The following AATK variants were observed in gnomAD, a reference collection of about 807,000 sequenced individuals.
AATK encodes lemur tail kinase 1, also known as serine/threonine-protein kinase LMTK1.
AATK carries 91 observed loss-of-function variants against 114.3 expected under a neutral mutation model. That is an observed-to-expected ratio of 0.80 (90% CI 0.67 to 0.95). The LOEUF is 0.95. AATK is among the 40% of genes least tolerant of loss of function. AATK has a pLI of 0.00. For synonymous variants in AATK, 1,075 were observed against 916.5 expected (o/e 1.17, Z -3.12); for missense variants, 2,176 against 1,965.2 (o/e 1.11, Z -2.03).
chr17:81,143,443 G>A (rs1345610309), intron 1 of AATK, among the ~76,000 whole-genome samples: 1 of 151,396 alleles, frequency 6.6e-6, no homozygotes, highest in Non-Finnish European at 1.5e-5. Flanking sequence ...ATCCAGCTCT[G>A]CCTGGGGCCA....
Position 81,122,338 on chromosome 17 carries a change from C to G in AATK, c.1598G>C (p.Arg533Pro). The G allele has an allele frequency of 6.6e-7, 1 of 1,512,344 alleles. No individual in the cohort carries two copies. The highest frequency in any genetic ancestry group is 8.8e-7 in the Non-Finnish European group (1 of 1,134,916). The allele number at this position is 1,512,344 out of a possible 1,614,324, so 93.7% of individuals were successfully genotyped here. A position where few individuals can be genotyped will look rare whatever the true frequency, so the allele number is the denominator to read the frequency against. Residue 533 changes from arginine to proline, a missense_variant, in exon 11 of 14, where the codon CGC (arginine) becomes CCC (proline). Transcript: ENST00000326724. ...SPSLGSEYFI[R>P]LEEAAPAAGH... ...GGCGGCGGGTGCGGCCTCCTCTAGG[C>G]GGATGAAGTACTCGCTGCCCAGCGA...
At position 81,126,557 on chromosome 17, in the gene AATK, C is replaced by T; in HGVS notation, c.625G>A (p.Asp209Asn). Residue 209 changes from aspartate to asparagine, a missense_variant, in exon 7 of 14, where the codon GAC becomes AAC. Physicochemically the swap from Asp to Asn is conservative, Grantham distance 23. Coordinates refer to ENST00000326724, the MANE Select transcript of AATK (RefSeq NM_001080395.3). This position sits in a 1 kb window ranked among gnomAD's most constrained non-coding sequence, Gnocchi z 5.1. ...CAGCTCCGCAGGTAGCCCTTGAGGT[C>T]CCCCTGCAGAAAGGGGGTGTGGCGC... ...LLVMEFCPLG[D>N]LKGYLRSCRV... is the part of the protein sequence containing the mutation. 6.5e-7 allele frequency: 1 copy of T among 1,539,748 alleles called. No individual in the cohort carries two copies. The highest frequency in any genetic ancestry group is 1.2e-5 in the South Asian group (1 of 83,754).
chr17:81,132,608 C>T (rs1042138200), intron 2 of AATK: 6 of 258,604 alleles, frequency 2.3e-5, no homozygotes, highest in Admixed American at 4.7e-5. Flanking sequence ...GGGCCCAGGA[C>T]ACAGATGCTG....
At chr17:81,133,214 G>T (rs772703829) in intron 2 of AATK, 1 of 492,610 alleles carries the variant, frequency 2.0e-6, no homozygotes, top group East Asian at 5.8e-5. Context: ...CCACTTCAGA[G>T]GGCTCTGGAA....
chr17:81,158,394 G>A (rs1314853138), intron 1 of AATK, among the ~76,000 whole-genome samples: 1 of 152,228 alleles, frequency 6.6e-6, no homozygotes, highest in African/African-American at 2.4e-5. Flanking sequence ...GCGGTGTGCT[G>A]GTCAGTGTCT....
rs753624466 is a variant in AATK at position 81,120,847 on chromosome 17, G to C, written c.3089C>G (p.Thr1030Ser). Reference sequence around the variant, plus strand: ...ACAGACCTGCTCAGACGGCTGCCCAGTGCTCGGCAGGCCCAGCTCTGGCCC... The same window carrying C: ...ACAGACCTGCTCAGACGGCTGCCCACTGCTCGGCAGGCCCAGCTCTGGCCC... ...APGPELGLPS[T>S]GQPSEQVCLR... is the part of the protein sequence containing the mutation. Residue 1030 changes from threonine (T) to serine (S), a missense_variant, in exon 11 of 14, where the codon ACT becomes AGT. Transcript: ENST00000326724. The C allele has an allele frequency of 2.5e-6, 4 of 1,579,690 alleles. No homozygotes were observed. The East Asian group carries it at 7.0e-5, about 28-fold the overall frequency.
rs777787798 is a variant in AATK, at chr17:81,127,943, C to T, written c.415-33G>A. 2.6e-6 allele frequency: 4 copies of T among 1,546,248 alleles called. No homozygotes were observed. The Admixed American group carries it at 7.9e-5, about 30-fold the overall frequency. On this transcript the variant is annotated intron_variant, in intron 4 of 13. Coordinates refer to ENST00000326724, the MANE Select transcript of AATK (RefSeq NM_001080395.3). ...ACAGACAGCATCACCCACGGCTGCT[C>T]CGCCTCCACCGGCCCCGGCTTCCAG...
In AATK at chr17:81,120,058, TC is replaced by T; in HGVS notation, c.3760del (p.Glu1254SerfsTer53). 1.4e-6 allele frequency: 2 copies of T among 1,456,738 alleles called. No individual in the cohort carries two copies. The highest frequency in any genetic ancestry group is 9.1e-7 in the Non-Finnish European group (1 of 1,102,036). 90.2% of individuals were successfully genotyped at this position (1,456,738 alleles called of 1,614,324 possible). The stretch of plus-strand genomic sequence containing the variant: ...CGATTCCTTGGCGCCCGGGAAGGGC[TC>T]CCCGAGCTCCCGGGTGGGGCTTTCC... ...DQESPTRELG[E>X]PFPGAKESPP... On this transcript the variant is annotated frameshift_variant, in exon 12 of 14. Coordinates refer to ENST00000326724, the MANE Select transcript of AATK (RefSeq NM_001080395.3). LOFTEE classifies it high-confidence loss of function.
intron 1 of AATK, among the ~76,000 whole-genome samples, chr17:81,134,795 GTCAGGGTC>G (rs776830286): frequency 2.0e-5 from 3 of 152,220 alleles, no homozygotes; most frequent in Non-Finnish European, 4.4e-5. Flanking sequence ...CCCCTGAGAG[GTCAGGGTC>G]TCAGGGGCTA....
chr17:81,118,139 C>G lies in AATK; in HGVS notation c.*263G>C. 1 of 532,786 alleles carries G rather than the reference C, an allele frequency of 1.9e-6. No individual in the cohort carries two copies. The allele number at this position is 532,786 out of a possible 1,614,324, so 33.0% of individuals were successfully genotyped here. ...GTGTGTATGTGTGTACAGACACCCA[C>G]TGTGGCTCCAGGCGCCCCCAGGGGC... On this transcript the variant is annotated 3_prime_UTR_variant, in exon 14 of 14. Coordinates refer to ENST00000326724, the MANE Select transcript of AATK (RefSeq NM_001080395.3).
rs757851302 is a variant in AATK at position 81,120,245 on chromosome 17, CCTT to C, written c.3688_3690del (p.Lys1230del). ...GTGACGTCGTCGAAGAAGGACACGG[CCTT>C]CTTCTTGCGTTCCAGGTCCTCGCAG... On this transcript the variant is annotated inframe_deletion, in exon 11 of 14. Transcript: ENST00000326724. The C allele has an allele frequency of 1.2e-5, 19 of 1,595,588 alleles. No homozygotes were observed. Among genetic ancestry groups the C allele is most frequent in the Admixed American group, 1.7e-5 (1 of 59,440 alleles).
intron 1 of AATK, among the ~76,000 whole-genome samples, chr17:81,152,023 C>A (rs1473256641): frequency 6.6e-6 from 1 of 152,222 alleles, no homozygotes; most frequent in African/African-American, 2.4e-5. Flanking sequence ...GCCTGTCATC[C>A]CAGCACTTTG....
intron 1 of AATK, among the ~76,000 whole-genome samples, chr17:81,163,275 G>A (rs1346380070): frequency 6.6e-6 from 1 of 152,192 alleles, no homozygotes; most frequent in Non-Finnish European, 1.5e-5. Flanking sequence ...CAGGGAAGGT[G>A]AAGGCTGGGG....
chr17:81,152,326 C>T (rs1162621187), intron 1 of AATK, among the ~76,000 whole-genome samples: 4 of 152,074 alleles, frequency 2.6e-5, no homozygotes, highest in African/African-American at 9.7e-5. Flanking sequence ...TGGCTCACAC[C>T]TGTAATCCCA....
intron 1 of AATK, among the ~76,000 whole-genome samples, chr17:81,142,868 C>T (rs933519148): frequency 4.6e-5 from 7 of 151,814 alleles, no homozygotes; most frequent in African/African-American, 1.7e-4. Flanking sequence ...GACGCATCAT[C>T]GGCGTGACCC....
At chr17:81,160,439 G>A (rs976865217) in intron 1 of AATK, 6 of 168,894 alleles carry the variant, frequency 3.6e-5, no homozygotes, top group East Asian at 1.9e-4. Context: ...AACTGGCTCC[G>A]GCCCCGTCCG....
Position 81,128,526 on chromosome 17 carries a change from C to T in AATK, c.358G>A (p.Val120Met), listed in dbSNP as rs902393676. ...AGGTACAGGAGGCTGTGCCGGCCCA[C>T]GTCTGTGGACTTGAGGAGCTGCACT... ...RSVQLLKSTD[V>M]GRHSLLYLKE... Residue 120 changes from valine (V) to methionine (M), a missense_variant, in exon 4 of 14, where the codon GTG (valine) becomes ATG (methionine). By Grantham distance (21) the Val-to-Met change is conservative. Around this residue, in one of 4 missense-constraint regions of AATK, gnomAD observed 178 missense variants for 175.4 expected, o/e 1.01. Coordinates refer to ENST00000326724, the MANE Select transcript of AATK (RefSeq NM_001080395.3). 20 of 1,549,302 alleles carry T rather than the reference C, an allele frequency of 1.3e-5. No homozygotes were observed. Among genetic ancestry groups the T allele is most frequent in the Non-Finnish European group, 1.6e-5 (18 of 1,146,900 alleles).
rs2060714594 is a variant in AATK at position 81,122,649 on chromosome 17, AC to A, written c.1286del (p.Gly429ValfsTer38). The A allele has an allele frequency of 4.1e-6, 6 of 1,469,338 alleles. No homozygotes were observed. The highest frequency in any genetic ancestry group is 5.4e-6 in the Non-Finnish European group (6 of 1,106,712). 91.0% of individuals were successfully genotyped at this position (1,469,338 alleles called of 1,614,324 possible). On this transcript the variant is annotated frameshift_variant, in exon 11 of 14. Transcript: ENST00000326724. LOFTEE classifies it high-confidence loss of function. ...PGGGGVGPGPGAAGPMLGGVV... is the reference protein window; with the variant it reads ...PGGGGVGPGPXAAGPMLGGVV... Reference sequence around the variant, plus strand: ...CGCCGCCCAGCATGGGCCCCGCCGCACCGGGCCCGGGCCCCACGCCGCCCCC... The same window carrying A: ...CGCCGCCCAGCATGGGCCCCGCCGCACGGGCCCGGGCCCCACGCCGCCCCC...
rs1384153661 is a variant in AATK, at chr17:81,123,360, G to A, written c.963-17C>T. 5.4e-5 allele frequency: 73 copies of A among 1,356,694 alleles called. No homozygotes were observed. The highest frequency in any genetic ancestry group is 3.7e-4 in the East Asian group (12 of 32,400). 84.0% of individuals were successfully genotyped at this position (1,356,694 alleles called of 1,614,324 possible). The stretch of plus-strand genomic sequence containing the variant: ...CCCAGGGACCTGTGGGGCGACAGCC[G>A]TGAGCCAGGGCTGGGCACAGCCTGC... On this transcript the variant is annotated splice_polypyrimidine_tract_variant and intron_variant, in intron 9 of 13. Transcript: ENST00000326724.
Sources: gnomAD v4.1 joint callset for allele counts (sites outside exome capture counted in the v4.1 genomes callset) on GRCh38, gnomAD v4.1.1 for gene constraint, gnomAD v4.1.1 regional missense constraint, Gnocchi (gnomAD v3.1) non-coding constraint, MANE v1.5 for transcripts, NCBI Gene and HGNC (gene_info 2026-07-23, HGNC 2026-07-21) for gene names.